The following EPHA6 variants were observed in gnomAD, a reference collection of about 807,000 sequenced individuals.
The protein encoded by EPHA6 is EPH receptor A6.
Under a neutral mutation model 112.0 loss-of-function variants are expected in EPHA6, and 50 were observed. The observed-to-expected ratio is 0.45, with a 90% CI of 0.36 to 0.56. The LOEUF is 0.56. Ranked by LOEUF, EPHA6 falls within the 20% of genes least tolerant of loss-of-function variation. The probability of loss-of-function intolerance (pLI) is 0.00; values close to 1 mark genes in which losing one functional copy is unlikely to be tolerated. For synonymous variants in EPHA6, 529 were observed against 490.7 expected, an observed-to-expected ratio of 1.08 and a Z score of -1.03; for missense variants, 1,280 against 1,417.4, an observed-to-expected ratio of 0.90 and a Z score of 1.56.
chr3:96,833,504 A>T (rs1244284647), intron 1 of EPHA6, among the ~76,000 whole-genome samples: 1 of 152,008 alleles, frequency 6.6e-6, no homozygotes, highest in Non-Finnish European at 1.5e-5. Context: ...CTAGCAAACT[A>T]GTTTACAGAG....
chr3:97,575,213 C>A (rs1302653818), intron 11 of EPHA6, among the ~76,000 whole-genome samples: 1 of 151,990 alleles, frequency 6.6e-6, no homozygotes, highest in Admixed American at 6.6e-5. Flanking sequence ...TTTAAATGCA[C>A]ATATTGTTTA....
intron 12 of EPHA6, among the ~76,000 whole-genome samples, chr3:97,594,690 G>A (rs182472565): frequency 6.6e-6 from 1 of 152,118 alleles, no homozygotes; most frequent in Admixed American, 6.5e-5. Flanking sequence ...CAGTAATCAT[G>A]AGAAGTTTTT....
At chr3:97,409,145 A>T (rs570564811) in intron 6 of EPHA6, among the ~76,000 whole-genome samples, 7 of 152,224 alleles carry the variant, frequency 4.6e-5, no homozygotes, top group African/African-American at 1.7e-4. Flanking sequence ...AGCCAGCAAG[A>T]CTTTCTGTTT....
chr3:97,561,249 T>TAA (rs1246034269), intron 11 of EPHA6, among the ~76,000 whole-genome samples: 1 of 152,040 alleles, frequency 6.6e-6, no homozygotes, highest in African/African-American at 2.4e-5. Context: ...ATTTAGCTCA[T>TAA]AAAACTCAGT....
intron 2 of EPHA6, among the ~76,000 whole-genome samples, chr3:96,921,820 G>A (rs1056547384): frequency 5.9e-5 from 9 of 152,092 alleles, no homozygotes; most frequent in African/African-American, 1.9e-4. Flanking sequence ...TGCCCACCTT[G>A]GCCTCCCAAA....
In EPHA6 at chr3:97,033,583, A is replaced by G. The variant is rs1017586164; in HGVS notation, c.1114+45590A>G. ...AGCTGTATGATAGTGTTTGGCTGAT[A>G]AGAGTATTAGAATGCTGAACATCCT... On this transcript the variant is annotated intron_variant, in intron 3 of 17. Coordinates refer to ENST00000389672, the MANE Select transcript of EPHA6 (RefSeq NM_001080448.3). 3.3e-5 allele frequency among the ~76,000 whole-genome samples: 5 copies of G among 152,150 alleles called. 1 individual carries two copies. Among genetic ancestry groups the G allele is most frequent in the South Asian group, 2.1e-4 (1 of 4,824 alleles).
chr3:97,274,916 A>G (rs1353422269), intron 5 of EPHA6, among the ~76,000 whole-genome samples: 1 of 152,202 alleles, frequency 6.6e-6, no homozygotes, highest in Non-Finnish European at 1.5e-5. Context: ...GAGTGAGTAT[A>G]GCTGAAGGAG....
intron 13 of EPHA6, among the ~76,000 whole-genome samples, chr3:97,626,263 G>T (rs755576603): frequency 6.6e-6 from 1 of 151,670 alleles, no homozygotes; most frequent in Non-Finnish European, 1.5e-5. Flanking sequence ...GTATACATTT[G>T]TTCCCCAAAC....
At chr3:96,834,074 A>C (rs1470671245) in intron 1 of EPHA6, among the ~76,000 whole-genome samples, 1 of 151,954 alleles carries the variant, frequency 6.6e-6, no homozygotes. Flanking sequence ...TTTAAATGTC[A>C]AAAAAAGCAT....
intron 7 of EPHA6, among the ~76,000 whole-genome samples, chr3:97,467,124 C>A (rs181260116): frequency 6.6e-6 from 1 of 151,706 alleles, no homozygotes; most frequent in Admixed American, 6.6e-5. Context: ...TAAAGAGAAA[C>A]GCTATGAGGA....
At chr3:97,507,646 G>T (rs1360043310) in intron 10 of EPHA6, among the ~76,000 whole-genome samples, 2 of 151,952 alleles carry the variant, frequency 1.3e-5, no homozygotes, top group African/African-American at 2.4e-5. Flanking sequence ...TGTCTGCCTG[G>T]TTTGGGTATC....
chr3:96,972,882 A>G (rs2042372410), intron 2 of EPHA6, among the ~76,000 whole-genome samples: 1 of 152,204 alleles, frequency 6.6e-6, no homozygotes, highest in Non-Finnish European at 1.5e-5. Flanking sequence ...TTTGAATTCT[A>G]AAGATTTTCA....
At chr3:97,073,161 A>G (rs946645647) in intron 3 of EPHA6, among the ~76,000 whole-genome samples, 8 of 152,148 alleles carry the variant, frequency 5.3e-5, no homozygotes, top group Non-Finnish European at 7.4e-5. Context: ...TCCAAATAAG[A>G]AATTACAGAT....
intron 14 of EPHA6, among the ~76,000 whole-genome samples, chr3:97,638,780 G>A (rs1289494903): frequency 1.3e-5 from 2 of 151,996 alleles, no homozygotes; most frequent in Non-Finnish European, 2.9e-5. Context: ...CTATCTTCAA[G>A]CTACTAATTC....
chr3:97,437,691 C>T lies in EPHA6; in HGVS notation c.1732-10877C>T, dbSNP rs563076033. Among the ~76,000 whole-genome samples the T allele has an allele frequency of 2.6e-5, 4 of 151,956 alleles. No individual in the cohort carries two copies. In the South Asian group the frequency reaches 6.2e-4, roughly 24 times the overall value. The stretch of plus-strand genomic sequence containing the variant: ...GTTGTTGTTTTTGTTTTTGTAGAAA[C>T]GGGGTCTCACTATATTGCCAAGGCT... On this transcript the variant is annotated intron_variant, in intron 6 of 17. Coordinates refer to ENST00000389672, the MANE Select transcript of EPHA6 (RefSeq NM_001080448.3).
intron 2 of EPHA6, among the ~76,000 whole-genome samples, chr3:96,966,525 T>G (rs541292674): frequency 6.6e-6 from 1 of 152,276 alleles, no homozygotes; most frequent in African/African-American, 2.4e-5. Context: ...TAATTACGTA[T>G]CTGCTCCCAA....
intron 5 of EPHA6, among the ~76,000 whole-genome samples, chr3:97,372,448 C>A (rs187715836): frequency 2.5e-4 from 38 of 152,234 alleles, no homozygotes; most frequent in Admixed American, 8.5e-4. Context: ...ATACTTTAAA[C>A]AAATTCCCAC....
At chr3:97,297,630 A>C (rs879378129) in intron 5 of EPHA6, among the ~76,000 whole-genome samples, 1 of 152,216 alleles carries the variant, frequency 6.6e-6, no homozygotes, top group Non-Finnish European at 1.5e-5. Context: ...AGTAAAGTCC[A>C]TATCTCAAGA....
chr3:97,462,199 C>A (rs2107391313), intron 7 of EPHA6, among the ~76,000 whole-genome samples: 1 of 152,090 alleles, frequency 6.6e-6, no homozygotes, highest in Middle Eastern at 3.4e-3. Context: ...ATAATACTAC[C>A]ATTTCTTATG....
Sources: allele counts gnomAD v4.1 joint callset (sites outside exome capture counted in the v4.1 genomes callset), GRCh38; gene constraint gnomAD v4.1.1; transcripts MANE v1.5; gene names NCBI Gene and HGNC (gene_info 2026-07-23, HGNC 2026-07-21).